MSTO1: variants seen among roughly 807,000 people sequenced by gnomAD.
MSTO1 encodes protein misato homolog 1.
Under a neutral mutation model 55.7 loss-of-function variants are expected in MSTO1, and 24 were observed. That is an observed-to-expected ratio of 0.43 (90% confidence interval 0.31 to 0.61). The LOEUF (loss-of-function observed/expected upper bound fraction) is 0.61, where lower values mean the gene tolerates loss of function less well. MSTO1 is among the 20% of genes least tolerant of loss of function. MSTO1 has a pLI of 0.09. For missense variants in MSTO1, 363 were observed against 625.7 expected (o/e 0.58, Z 4.48); for synonymous variants, 162 against 252.8 (o/e 0.64, Z 3.41).
At chr1:155,575,839 T>TA in the MSTO1 span, among the ~76,000 whole-genome samples, 3 of 150,484 alleles carry the variant, frequency 2.0e-5, no homozygotes, top group African/African-American at 7.3e-5. Flanking sequence ...TTTATTTATT[T>TA]TTGAGACAGA....
chr1:155,587,699 G>A, the MSTO1 span, among the ~76,000 whole-genome samples: 2 of 147,180 alleles, frequency 1.4e-5, no homozygotes, highest in South Asian at 2.1e-4. Flanking sequence ...AGCCGAGATC[G>A]CGCCACTGCA....
Position 155,610,500 on chromosome 1 carries a change from G to A in MSTO1, c.160G>A (p.Gly54Ser). The A allele has an allele frequency of 1.2e-6, 1 of 835,540 alleles. No homozygotes were observed. The highest frequency in any genetic ancestry group is 1.8e-6 in the Non-Finnish European group (1 of 550,256). 51.8% of individuals were successfully genotyped at this position (835,540 alleles called of 1,614,324 possible). Reference protein sequence around the residue: ...ELCPDVLYRTGRTLHGQETYT... With the variant: ...ELCPDVLYRTSRTLHGQETYT... ...GTGCCCCGACGTCCTGTATCGTACG[G>A]GCCGGACGCTGCACGGCCAGGAGAC... Residue 54 changes from glycine to serine, a missense_variant, in exon 2 of 14, where the codon GGC (glycine) becomes AGC (serine). Physicochemically the swap from Gly to Ser is moderately conservative, Grantham distance 56. Around this residue, in one of 3 missense-constraint regions of MSTO1, gnomAD observed 94 missense variants for 212.4 expected, o/e 0.44. Transcript: ENST00000245564.
the MSTO1 span, among the ~76,000 whole-genome samples, chr1:155,596,408 T>C: frequency 6.6e-6 from 1 of 152,242 alleles, no homozygotes; most frequent in Non-Finnish European, 1.5e-5. Context: ...TACGGTTTAC[T>C]TTGATGAACA....
the MSTO1 span, among the ~76,000 whole-genome samples, chr1:155,603,994 G>C: frequency 6.6e-6 from 1 of 152,264 alleles, no homozygotes; most frequent in Non-Finnish European, 1.5e-5. Context: ...AGAGAGAAAA[G>C]AGAGCAACTT....
chr1:155,613,297 TTTCTCTGGGGCA>T, intron 11 of MSTO1, 64 bp downstream of exon 11: 1 of 1,585,296 alleles, frequency 6.3e-7, no homozygotes, highest in Non-Finnish European at 8.6e-7. Context: ...CTTCCCCTAA[TTTCTCTGGGGCA>T]TTCTAATGAT....
intron 9 of MSTO1, 29 bp downstream of exon 9, chr1:155,612,599 C>T (rs763166958): frequency 1.2e-5 from 19 of 1,588,410 alleles, no homozygotes; most frequent in East Asian, 6.7e-5. Flanking sequence ...GTTCTGACTG[C>T]GGCAGGCTAC....
the MSTO1 span, among the ~76,000 whole-genome samples, chr1:155,577,316 CT>C: frequency 6.6e-6 from 1 of 151,754 alleles, no homozygotes. Flanking sequence ...TCTCGATCTC[CT>C]GACCTCGTGA....
the MSTO1 span, among the ~76,000 whole-genome samples, chr1:155,587,181 C>A: frequency 6.6e-6 from 1 of 152,192 alleles, no homozygotes; most frequent in Non-Finnish European, 1.5e-5. Flanking sequence ...GTGGCTCACG[C>A]TTGTAATCCC....
chr1:155,591,955 T>C, the MSTO1 span, among the ~76,000 whole-genome samples: 48 of 152,246 alleles, frequency 3.2e-4, 1 homozygote, highest in African/African-American at 9.4e-4. Flanking sequence ...AAAAAAAGTA[T>C]AACAAAAATT....
the MSTO1 span, among the ~76,000 whole-genome samples, chr1:155,603,721 G>A: frequency 3.9e-5 from 6 of 152,020 alleles, no homozygotes; most frequent in Admixed American, 1.3e-4. Context: ...AGCTGGGCAC[G>A]GTGGCAGGCA....
the MSTO1 span, among the ~76,000 whole-genome samples, chr1:155,569,065 G>A: frequency 6.6e-6 from 1 of 151,898 alleles, no homozygotes; most frequent in East Asian, 1.9e-4. Flanking sequence ...TGTTGGTCAG[G>A]CTGGTCTTGA....
intron 1 of MSTO1, 36 bp from the exon 2 acceptor site, chr1:155,610,380 GTCCCGACGT>G: frequency 1.2e-6 from 1 of 803,640 alleles, no homozygotes; most frequent in Non-Finnish European, 1.9e-6. Context: ...GGGATCTACA[GTCCCGACGT>G]TCAGCCGGCC....
chr1:155,591,846 G>A, the MSTO1 span, among the ~76,000 whole-genome samples: 2 of 152,022 alleles, frequency 1.3e-5, no homozygotes, highest in African/African-American at 4.8e-5. Context: ...AAAAGTACCT[G>A]TAGTTTCAGC....
At chr1:155,576,112 C>A in the MSTO1 span, among the ~76,000 whole-genome samples, 17 of 151,098 alleles carry the variant, frequency 1.1e-4, no homozygotes, top group Non-Finnish European at 2.4e-4. Flanking sequence ...GTGAGCCACC[C>A]CGCCAGGCCC....
the MSTO1 span, among the ~76,000 whole-genome samples, chr1:155,574,631 A>G: frequency 7.2e-3 from 1,103 of 152,178 alleles, 5 homozygotes; most frequent in Non-Finnish European, 0.011. Context: ...CAGTGGTGCA[A>G]TCCTAGCTCA....
chr1:155,570,998 A>G, the MSTO1 span, among the ~76,000 whole-genome samples: 1 of 152,208 alleles, frequency 6.6e-6, no homozygotes. Context: ...TGTAAACCAC[A>G]TGCATTATTT....
chr1:155,568,964 C>T, the MSTO1 span, among the ~76,000 whole-genome samples: 30 of 151,124 alleles, frequency 2.0e-4, no homozygotes, highest in Middle Eastern at 6.8e-3. Flanking sequence ...TGATTCTCCT[C>T]CTGCCTCAGC....
At chr1:155,575,758 A>C in the MSTO1 span, among the ~76,000 whole-genome samples, 2 of 146,956 alleles carry the variant, frequency 1.4e-5, no homozygotes, top group East Asian at 2.1e-4. Context: ...TGCCTATTTT[A>C]TTTATTTATT....
At chr1:155,583,889 C>T in the MSTO1 span, among the ~76,000 whole-genome samples, 20 of 152,160 alleles carry the variant, frequency 1.3e-4, no homozygotes, top group East Asian at 1.9e-4. Context: ...TGGGGCAGGT[C>T]AAATACTATT....
Sources: allele counts gnomAD v4.1 joint callset (sites outside exome capture counted in the v4.1 genomes callset), GRCh38; gene constraint gnomAD v4.1.1; regional missense constraint gnomAD v4.1.1; transcripts MANE v1.5; gene names NCBI Gene and HGNC (gene_info 2026-07-23, HGNC 2026-07-21).